COL5A3: variants seen among roughly 807,000 people sequenced by gnomAD.
The protein encoded by COL5A3 is collagen alpha-3(V) chain.
Under a neutral mutation model 250.0 loss-of-function variants are expected in COL5A3, and 172 were observed. The observed-to-expected ratio is 0.69, with a 90% CI of 0.61 to 0.78. The LOEUF is 0.78. COL5A3 is among the 30% of genes least tolerant of loss of function. The pLI is 0.00. For missense variants in COL5A3, 2,340 were observed against 2,334.4 expected (o/e 1.00, Z -0.05); for synonymous variants, 937 against 900.4 (o/e 1.04, Z -0.73).
At chr19:9,970,860 G>T in intron 53 of COL5A3, 115 bp downstream of exon 53, 1 of 1,101,044 alleles carries the variant, frequency 9.1e-7, no homozygotes, top group Non-Finnish European at 1.3e-6. Context: ...TGAAGCGGGA[G>T]CATCTGCAGG....
At position 9,980,799 on chromosome 19, in the gene COL5A3, C is replaced by T; in HGVS notation, c.2559+7G>A. On this transcript the variant is annotated splice_region_variant and intron_variant, in intron 34 of 66. Transcript: ENST00000264828. Reference sequence around the variant, plus strand: ...TGGGGGGCCTTGATTGCCCACCCATCCCATACCTTGGGGCCTGGTTGCCCT... The same window carrying T: ...TGGGGGGCCTTGATTGCCCACCCATTCCATACCTTGGGGCCTGGTTGCCCT... 1 of 1,613,186 alleles carries T rather than the reference C, an allele frequency of 6.2e-7. No homozygotes were observed. Among genetic ancestry groups the T allele is most frequent in the Non-Finnish European group, 8.5e-7 (1 of 1,179,538 alleles).
intron 1 of COL5A3, among the ~76,000 whole-genome samples, chr19:10,008,467 A>T (rs1827406181): frequency 6.6e-6 from 1 of 151,668 alleles, no homozygotes; most frequent in Admixed American, 6.6e-5. Flanking sequence ...TCAGGGGCCC[A>T]GCCTGCCCCC....
In COL5A3 at chr19:10,010,477, C is replaced by T; in HGVS notation, c.-92G>A. On this transcript the variant is annotated 5_prime_UTR_variant, in exon 1 of 67. Transcript: ENST00000264828. ...GGCTCGGTGCAGTCACTCGCGGCGG[C>T]CGCTCCTCTCAGGGTCCGCGGGAAA... The T allele has an allele frequency of 1.2e-6, 1 of 835,510 alleles. No homozygotes were observed. The highest frequency in any genetic ancestry group is 1.7e-6 in the Non-Finnish European group (1 of 604,408). 51.8% of individuals were successfully genotyped at this position (835,510 alleles called of 1,614,324 possible).
intron 6 of COL5A3, 119 bp downstream of exon 6, chr19:10,003,446 G>A: frequency 1.0e-6 from 1 of 980,334 alleles, no homozygotes; most frequent in Non-Finnish European, 1.6e-6. Flanking sequence ...TCATAGATGA[G>A]GGACCAGAGA....
At chr19:9,998,877 G>T (rs752829905) in intron 8 of COL5A3, among the ~76,000 whole-genome samples, 2 of 151,770 alleles carry the variant, frequency 1.3e-5, no homozygotes, top group Non-Finnish European at 2.9e-5. Flanking sequence ...TAGAGACCAG[G>T]TTTCACCATG....
intron 42 of COL5A3, 41 bp downstream of exon 42, chr19:9,977,553 C>T (rs763330428): frequency 3.3e-6 from 5 of 1,531,814 alleles, no homozygotes; most frequent in Non-Finnish European, 4.4e-6. Context: ...CAGGGCCAGA[C>T]CCTGAGGAGG....
rs1269531312 is a variant in COL5A3, at chr19:9,988,855, A to AAAAAGAGAGAAAG, written c.2145+268_2145+269insCTTTCTCTCTTTT. ...TCTCAAAAAAAAAAAAAAAAAAAAA[A>AAAAAGAGAGAAAG]AAAGAAAGTAAAGAAAAGAAAAGGA... On this transcript the variant is annotated intron_variant, in intron 27 of 66. Coordinates refer to ENST00000264828, the MANE Select transcript of COL5A3 (RefSeq NM_015719.4). Among the ~76,000 whole-genome samples the AAAAAGAGAGAAAG allele has an allele frequency of 5.2e-4, 54 of 104,714 alleles. No individual in the cohort carries two copies. The South Asian group carries it at 0.01, about 20-fold the overall frequency. The allele number at this position is 104,714 out of a possible 152,430, so 68.7% of individuals were successfully genotyped here.
Position 9,986,409 on chromosome 19 carries a change from G to GCTC in COL5A3, c.2255_2257dup (p.Gly752dup). Reference sequence around the variant, plus strand: ...ACCATCCTCTCCCCGGGGACCTGGAGCTCCGGGTTTCCCCTGGAAGAAAAA... The same window carrying GCTC: ...ACCATCCTCTCCCCGGGGACCTGGAGCTCCTCCGGGTTTCCCCTGGAAGAAAAA... On this transcript the variant is annotated inframe_insertion, in exon 30 of 67. Transcript: ENST00000264828. 1.2e-6 allele frequency: 2 copies of GCTC among 1,612,564 alleles called. No individual in the cohort carries two copies. The highest frequency in any genetic ancestry group is 1.7e-6 in the Non-Finnish European group (2 of 1,179,816).
In COL5A3 at chr19:10,009,493, A is replaced by AG. The variant is rs943576186; in HGVS notation, c.88+804dup. Among the ~76,000 whole-genome samples, 4 of 143,154 alleles carry AG rather than the reference A, an allele frequency of 2.8e-5. No homozygotes were observed. Among genetic ancestry groups the AG allele is most frequent in the Non-Finnish European group, 4.6e-5 (3 of 64,814 alleles). The allele number at this position is 143,154 out of a possible 152,430, so 93.9% of individuals were successfully genotyped here. A position where few individuals can be genotyped will look rare whatever the true frequency, so the allele number is the denominator to read the frequency against. On this transcript the variant is annotated intron_variant, in intron 1 of 66. Transcript: ENST00000264828. This position sits in a 1 kb window ranked among gnomAD's most constrained non-coding sequence, Gnocchi z 4.4. ...CAAGGCTCCAGCAGCTGGGGTGGGG[A>AG]GGGGGGGAGCAACTTCCACTCCTGC...
rs562321331 is a variant in COL5A3 at position 9,974,293 on chromosome 19, A to T, written c.3450+8T>A. Reference sequence around the variant, plus strand: ...TCAGAAGTGCCACCCCCAAACCCAGACACCCACCTGCAGTCCAGGAGGGCC... The same window carrying T: ...TCAGAAGTGCCACCCCCAAACCCAGTCACCCACCTGCAGTCCAGGAGGGCC... On this transcript the variant is annotated splice_region_variant and intron_variant, in intron 46 of 66. Coordinates refer to ENST00000264828, the MANE Select transcript of COL5A3 (RefSeq NM_015719.4). The T allele has an allele frequency of 6.2e-7, 1 of 1,609,660 alleles. No individual in the cohort carries two copies. The highest frequency in any genetic ancestry group is 1.3e-5 in the African/African-American group (1 of 74,874).
chr19:9,993,916 C>T, intron 16 of COL5A3, 110 bp from the exon 17 acceptor site: 1 of 928,810 alleles, frequency 1.1e-6, no homozygotes, highest in South Asian at 1.5e-5. Flanking sequence ...TTGACAGGGT[C>T]TCCTTCTGTC....
intron 8 of COL5A3, among the ~76,000 whole-genome samples, chr19:10,000,898 T>C (rs2087350757): frequency 1.3e-5 from 2 of 152,054 alleles, no homozygotes; most frequent in South Asian, 4.1e-4. Context: ...TGAGAACACA[T>C]GGACACATAG....
chr19:9,992,776 T>G, intron 21 of COL5A3, 51 bp downstream of exon 21: 1 of 1,590,792 alleles, frequency 6.3e-7, no homozygotes. Flanking sequence ...GACCCTAATC[T>G]CAAAACAAAC....
chr19:9,974,256 A>C, intron 46 of COL5A3, 32 bp from the exon 47 acceptor site: 1 of 1,612,658 alleles, frequency 6.2e-7, no homozygotes, highest in South Asian at 1.1e-5. Context: ...TTGGGGCACC[A>C]GGTAGGGAGA....
At chr19:9,969,464 C>CG in intron 56 of COL5A3, 62 bp from the exon 57 acceptor site, 1 of 1,590,110 alleles carries the variant, frequency 6.3e-7, no homozygotes, top group Admixed American at 1.8e-5. Context: ...TGGACCCCCC[C>CG]CCGACCATGC....
At chr19:10,005,504 G>A in intron 4 of COL5A3, 54 bp downstream of exon 4, 7 of 1,558,694 alleles carry the variant, frequency 4.5e-6, no homozygotes, top group South Asian at 2.2e-5. Context: ...GATTCAGGCT[G>A]TAGACAAAAC....
In COL5A3 at chr19:9,972,511, T is replaced by C. The variant is rs565950632; in HGVS notation, c.3774+408A>G. On this transcript the variant is annotated intron_variant, in intron 51 of 66. Coordinates refer to ENST00000264828, the MANE Select transcript of COL5A3 (RefSeq NM_015719.4). Reference sequence around the variant, plus strand: ...TTCTGGGGGTTACTCATGAGATCAGTAAATTAGAGGATGCAATCCCTGGCT... The same window carrying C: ...TTCTGGGGGTTACTCATGAGATCAGCAAATTAGAGGATGCAATCCCTGGCT... Among the ~76,000 whole-genome samples, 16 of 152,232 alleles carry C rather than the reference T, an allele frequency of 1.1e-4. 1 individual carries two copies. In the South Asian group the frequency reaches 3.3e-3, roughly 32 times the overall value.
rs760460956 is a variant in COL5A3 at position 10,003,644 on chromosome 19, C to T, written c.770G>A (p.Arg257Gln). 1.2e-5 allele frequency: 19 copies of T among 1,614,048 alleles called. No individual in the cohort carries two copies. The highest frequency in any genetic ancestry group is 1.6e-4 in the Middle Eastern group (1 of 6,084). ...KGKGKGRKKG[R>Q]GRKGKGRKKN... The stretch of plus-strand genomic sequence containing the variant: ...TTTCCTGCCCTTCCCCTTGCGACCT[C>T]GCCCTTTCTTCCTCCCTTTTCCCTT... The change falls in exon 6 of 67, where the codon CGA becomes CAA. Residue 257 changes from arginine to glutamine, a missense_variant. Coordinates refer to ENST00000264828, the MANE Select transcript of COL5A3 (RefSeq NM_015719.4).
chr19:9,988,833 CAAAAAAAAA>C (rs67181648), intron 27 of COL5A3, among the ~76,000 whole-genome samples: 2 of 39,428 alleles, frequency 5.1e-5, no homozygotes, highest in African/African-American at 1.2e-4. Flanking sequence ...GACTCTGTCT[CAAAAAAAAA>C]AAAAAAAAAA....
Sources: allele counts gnomAD v4.1 joint callset (sites outside exome capture counted in the v4.1 genomes callset), GRCh38; gene constraint gnomAD v4.1.1; non-coding constraint Gnocchi (gnomAD v3.1); transcripts MANE v1.5; gene names NCBI Gene and HGNC (gene_info 2026-07-23, HGNC 2026-07-21).